The following CYFIP1 variants were observed in gnomAD, a reference collection of about 807,000 sequenced individuals.
CYFIP1 encodes the protein cytoplasmic FMR1 interacting protein 1.
In CYFIP1, 58 loss-of-function variants were observed where a neutral mutation model predicts 163.5. The observed-to-expected ratio is 0.35, with a 90% CI of 0.29 to 0.44. CYFIP1 has a LOEUF of 0.44. Among genes scored for constraint, CYFIP1 ranks in the 20% least tolerant of loss-of-function variants. The pLI is 1.00. For synonymous variants in CYFIP1, 663 were observed against 660.7 expected, an observed-to-expected ratio of 1.00 and a Z score of -0.05; for missense variants, 1,338 against 1,653.8, an observed-to-expected ratio of 0.81 and a Z score of 3.31.
At chr15:22,940,121 G>A (rs1351436888) in intron 6 of CYFIP1, among the ~76,000 whole-genome samples, 1 of 152,228 alleles carries the variant, frequency 6.6e-6, no homozygotes, top group East Asian at 1.9e-4. Flanking sequence ...AGGTGGGGGT[G>A]TGAGGATTCT....
At chr15:22,968,342 C>T (rs1435516449) in intron 1 of CYFIP1, among the ~76,000 whole-genome samples, 1 of 152,094 alleles carries the variant, frequency 6.6e-6, no homozygotes, top group Non-Finnish European at 1.5e-5. Context: ...AAACAAATTA[C>T]CCTCCATAAT....
chr15:22,905,130 A>G (rs771177362), intron 21 of CYFIP1: 7 of 152,272 alleles, frequency 4.6e-5, no homozygotes, highest in East Asian at 3.9e-4. Flanking sequence ...CCTCACCTGG[A>G]AAGTCCAAAA....
At chr15:22,874,220 C>T (rs1219143335) in intron 28 of CYFIP1, among the ~76,000 whole-genome samples, 1 of 152,244 alleles carries the variant, frequency 6.6e-6, no homozygotes, top group Non-Finnish European at 1.5e-5. Flanking sequence ...TCTACCCTGA[C>T]ACCTTGCCTC....
chr15:22,977,383 TTGTC>T (rs905318961), intron 1 of CYFIP1, among the ~76,000 whole-genome samples: 5 of 152,176 alleles, frequency 3.3e-5, no homozygotes, highest in Admixed American at 3.3e-4. Context: ...TTTTCTTTCT[TTGTC>T]TGATACTATT....
At position 22,868,395 on chromosome 15, in the gene CYFIP1, C is replaced by T. The variant is rs997464878; in HGVS notation, c.*1633G>A. On this transcript the variant is annotated 3_prime_UTR_variant, in exon 31 of 31. Coordinates refer to ENST00000617928, the MANE Select transcript of CYFIP1 (RefSeq NM_014608.6). ...AATTCTTATTTAACATTTTGTAGCA[C>T]TTGAGATTGTCTTATACCTAAGGTA... 6.6e-6 allele frequency: 1 copy of T among 152,118 alleles called. No homozygotes were observed. Among genetic ancestry groups the T allele is most frequent in the East Asian group, 1.9e-4 (1 of 5,202 alleles). The allele number at this position is 152,118 out of a possible 1,614,324, so 9.4% of individuals were successfully genotyped here. A position where few individuals can be genotyped will look rare whatever the true frequency, so the allele number is the denominator to read the frequency against.
intron 1 of CYFIP1, among the ~76,000 whole-genome samples, chr15:22,979,779 C>T (rs1369907469): frequency 6.6e-6 from 1 of 152,216 alleles, no homozygotes; most frequent in Non-Finnish European, 1.5e-5. Flanking sequence ...GGAATGGCTC[C>T]GCGGACCAGG....
chr15:22,960,077 G>A lies in CYFIP1; in HGVS notation c.-6-12786C>T, dbSNP rs556309287. Among the ~76,000 whole-genome samples, 24 of 152,290 alleles carry A rather than the reference G, an allele frequency of 1.6e-4. No individual in the cohort carries two copies. The East Asian group carries it at 3.3e-3, about 21-fold the overall frequency. On this transcript the variant is annotated intron_variant, in intron 1 of 30. Coordinates refer to ENST00000617928, the MANE Select transcript of CYFIP1 (RefSeq NM_014608.6). ...GAGGAGCTGCAGGCTCCCCTACTGC[G>A]CCTGGCCTGTGGGCCGAGTGTCTCC...
Position 22,959,679 on chromosome 15 carries a change from C to T in CYFIP1, c.-6-12388G>A, listed in dbSNP as rs529800323. Among the ~76,000 whole-genome samples, 3 of 152,318 alleles carry T rather than the reference C, an allele frequency of 2.0e-5. No homozygotes were observed. The South Asian group carries it at 6.2e-4, about 32-fold the overall frequency. ...TTGAAGGAAAGGGAACTGGCTGCCA[C>T]CCACCTTGTCCCCCACCTTATCACT... On this transcript the variant is annotated intron_variant, in intron 1 of 30. Transcript: ENST00000617928.
intron 23 of CYFIP1, among the ~76,000 whole-genome samples, chr15:22,889,804 C>G (rs1247085061): frequency 6.6e-6 from 1 of 152,148 alleles, no homozygotes; most frequent in Non-Finnish European, 1.5e-5. Flanking sequence ...TCAAGAGAAG[C>G]CCAGAGCAAA....
At chr15:22,929,509 G>A (rs909245261) in intron 11 of CYFIP1, among the ~76,000 whole-genome samples, 19 of 151,520 alleles carry the variant, frequency 1.3e-4, no homozygotes, top group African/African-American at 1.7e-4. Context: ...GCGTGCGCCT[G>A]TAGTCCCAGC....
intron 23 of CYFIP1, among the ~76,000 whole-genome samples, chr15:22,885,274 T>C (rs1310960562): frequency 6.6e-6 from 1 of 152,196 alleles, no homozygotes; most frequent in African/African-American, 2.4e-5. Context: ...TCAAGTTCAA[T>C]GTACCACGTA....
At chr15:22,873,753 A>G (rs1261490954) in intron 28 of CYFIP1, 24 bp from the exon 29 acceptor site, 1 of 1,591,350 alleles carries the variant, frequency 6.3e-7, no homozygotes, top group East Asian at 2.2e-5. Flanking sequence ...AAGCCGTGGA[A>G]TGCCGTGGGC....
At chr15:22,881,501 C>T (rs373302694) in intron 25 of CYFIP1, among the ~76,000 whole-genome samples, 2 of 152,184 alleles carry the variant, frequency 1.3e-5, no homozygotes, top group East Asian at 3.9e-4. Flanking sequence ...GCAGGCCTTG[C>T]ACCATCTCGG....
chr15:22,896,000 C>T (rs143111488), intron 22 of CYFIP1, among the ~76,000 whole-genome samples: 459 of 152,252 alleles, frequency 3.0e-3, no homozygotes, highest in South Asian at 5.2e-3. Context: ...TATTAGGGCA[C>T]GCCCAGTGAG....
chr15:22,960,916 C>G (rs766112845), intron 1 of CYFIP1, among the ~76,000 whole-genome samples: 2 of 152,244 alleles, frequency 1.3e-5, no homozygotes, highest in Admixed American at 6.5e-5. Flanking sequence ...TGGAGCCGGA[C>G]AGTAGCATGG....
chr15:22,922,988 T>C (rs1475103001), intron 13 of CYFIP1, among the ~76,000 whole-genome samples: 8 of 142,312 alleles, frequency 5.6e-5, no homozygotes, highest in Non-Finnish European at 9.3e-5. Flanking sequence ...CAAGACTCTG[T>C]CTCAAAAAAG....
chr15:22,972,027 T>G (rs2063116426), intron 1 of CYFIP1, among the ~76,000 whole-genome samples: 2 of 152,168 alleles, frequency 1.3e-5, no homozygotes. Context: ...ATATTCTTCA[T>G]GCAAATAGAA....
In CYFIP1 at chr15:22,933,735, T is replaced by C. The variant is rs2061612119; in HGVS notation, c.992+67A>G. On this transcript the variant is annotated intron_variant, in intron 10 of 30. Transcript: ENST00000617928. Reference sequence around the variant, plus strand: ...GTTATCTCTAGACAAATAAGCAGGATGTTTGAAAACCGCACAATGAGGACA... The same window carrying C: ...GTTATCTCTAGACAAATAAGCAGGACGTTTGAAAACCGCACAATGAGGACA... The C allele has an allele frequency of 5.3e-6, 6 of 1,132,178 alleles. No individual in the cohort carries two copies. The South Asian group carries it at 7.8e-5, about 15-fold the overall frequency. The allele number at this position is 1,132,178 out of a possible 1,614,324, so 70.1% of individuals were successfully genotyped here.
chr15:22,907,734 G>A (rs920480092), intron 21 of CYFIP1, among the ~76,000 whole-genome samples: 8 of 152,210 alleles, frequency 5.3e-5, no homozygotes, highest in Non-Finnish European at 1.2e-4. Flanking sequence ...ACCACAGGCC[G>A]AGGGTCAGAG....
Sources: gnomAD v4.1 joint callset for allele counts (sites outside exome capture counted in the v4.1 genomes callset) on GRCh38, gnomAD v4.1.1 for gene constraint, MANE v1.5 for transcripts, NCBI Gene and HGNC (gene_info 2026-07-23, HGNC 2026-07-21) for gene names.